The following MOV10L1 variants were observed in gnomAD, a reference collection of about 807,000 sequenced individuals.
The protein encoded by MOV10L1 is RNA helicase Mov10l1.
A neutral mutation model predicts 143.8 loss-of-function variants in MOV10L1; 110 were observed. The observed-to-expected ratio is 0.76, with a 90% CI of 0.66 to 0.90. MOV10L1 has a LOEUF of 0.90. MOV10L1 is among the 40% of genes least tolerant of loss of function. The pLI is 0.00. For missense variants in MOV10L1, 1,406 were observed against 1,526.8 expected (o/e 0.92, Z 1.32); for synonymous variants, 593 against 581.1 (o/e 1.02, Z -0.29).
In MOV10L1 at chr22:50,150,809, C is replaced by T. The variant is rs2063278522; in HGVS notation, c.2802C>T (p.Asn934=). Residue 934 remains asparagine (N), a synonymous_variant, in exon 21 of 27, where the codon AAC becomes AAT. Coordinates refer to ENST00000262794, the MANE Select transcript of MOV10L1 (RefSeq NM_018995.3). Reference sequence around the variant, plus strand: ...GACTCGCCATGGCCTATGGGCTGAACGTGTCCTTTTTGGAACGGCTGATGT... The same window carrying T: ...GACTCGCCATGGCCTATGGGCTGAATGTGTCCTTTTTGGAACGGCTGATGT... ...KSRLAMAYGL[N]VSFLERLMSR... 2.5e-6 allele frequency: 4 copies of T among 1,614,200 alleles called. No homozygotes were observed. Among genetic ancestry groups the T allele is most frequent in the South Asian group, 1.1e-5 (1 of 91,086 alleles).
At chr22:50,150,999 A>C in intron 21 of MOV10L1, 100 bp downstream of exon 21, 303 of 1,460,622 alleles carry the variant, frequency 2.1e-4, no homozygotes, top group Non-Finnish European at 2.6e-4. Context: ...AGTCATCTCC[A>C]TCCGTGGGCA....
chr22:50,149,852 C>T, intron 20 of MOV10L1, 138 bp downstream of exon 20: 3 of 670,890 alleles, frequency 4.5e-6, no homozygotes, highest in South Asian at 3.7e-5. Context: ...GTGTTGGGGG[C>T]CATGGGTCTC....
rs149927638 is a variant in MOV10L1, at chr22:50,114,584, C to T, written c.1088C>T (p.Ser363Leu). 2.0e-4 allele frequency: 317 copies of T among 1,614,086 alleles called. No homozygotes were observed. In the African/African-American group the frequency reaches 3.5e-3, roughly 18 times the overall value. Residue 363 changes from serine to leucine, a missense_variant, in exon 7 of 27, where the codon TCG (serine) becomes TTG (leucine). Physicochemically the swap from Ser to Leu is moderately radical, Grantham distance 145. Around this residue, in one of 3 missense-constraint regions of MOV10L1, gnomAD observed 1,233 missense variants for 1,351.4 expected, o/e 0.91. Transcript: ENST00000262794. Reference protein sequence around the residue: ...SHTKNKTSQMSESSLVNNRGI... With the variant: ...SHTKNKTSQMLESSLVNNRGI... ...ACAAAAAACAAAACCTCTCAGATGT[C>T]GGAGAGCAGTTTGGTGAACAACAGA...
chr22:50,155,009 G>A (rs2063390143), intron 22 of MOV10L1, among the ~76,000 whole-genome samples: 1 of 152,024 alleles, frequency 6.6e-6, no homozygotes, highest in African/African-American at 2.4e-5. Context: ...AGTCTATAGT[G>A]ATTTCACATG....
In MOV10L1 at chr22:50,114,632, G is replaced by A. The variant is rs773071307; in HGVS notation, c.1126+10G>A. 27 of 1,612,148 alleles carry A rather than the reference G, an allele frequency of 1.7e-5. No homozygotes were observed. Among genetic ancestry groups the A allele is most frequent in the African/African-American group, 2.7e-5 (2 of 74,804 alleles). ...AGAGGAATCTCTCCAGGTAGTGGAC[G>A]TTTCGGCTGTCACTGCGTGAGGTCG... On this transcript the variant is annotated intron_variant, in intron 7 of 26. Coordinates refer to ENST00000262794, the MANE Select transcript of MOV10L1 (RefSeq NM_018995.3).
rs532643394 is a variant in MOV10L1 at position 50,118,728 on chromosome 22, G to A, written c.1454+1377G>A. Among the ~76,000 whole-genome samples the A allele has an allele frequency of 1.1e-4, 16 of 152,276 alleles. 1 individual carries two copies. In the South Asian group the frequency reaches 2.1e-3, roughly 20 times the overall value. On this transcript the variant is annotated intron_variant, in intron 9 of 26. Transcript: ENST00000262794. ...CCTCATGGGTCACATGTGCCAGTTC[G>A]GAGGGAGTTCGCATGAAACACGGTG...
intron 15 of MOV10L1, among the ~76,000 whole-genome samples, chr22:50,134,858 A>G (rs943616703): frequency 1.3e-5 from 2 of 152,248 alleles, no homozygotes; most frequent in African/African-American, 4.8e-5. Context: ...CAGTTAAAAT[A>G]AAGTGAACTA....
chr22:50,154,124 A>G (rs560671451), intron 22 of MOV10L1, among the ~76,000 whole-genome samples: 2 of 152,324 alleles, frequency 1.3e-5, no homozygotes, highest in East Asian at 3.9e-4. Context: ...TTGGAAAGGA[A>G]GGGGTCCTAA....
In MOV10L1 at chr22:50,159,807, G is replaced by A. The variant is rs754135717; in HGVS notation, c.3324+22G>A. On this transcript the variant is annotated intron_variant, in intron 24 of 26. Coordinates refer to ENST00000262794, the MANE Select transcript of MOV10L1 (RefSeq NM_018995.3). The surrounding 1 kb of genome is among the most constrained non-coding windows in gnomAD (Gnocchi z 4.1). ...GACCGTAGGTATCCCTGTTCTCCGT[G>A]GGGATGGACAGTCAGGTGCTTGCTG... 4 of 1,518,394 alleles carry A rather than the reference G, an allele frequency of 2.6e-6. No homozygotes were observed. The South Asian group carries it at 4.5e-5, about 17-fold the overall frequency. 94.1% of individuals were successfully genotyped at this position (1,518,394 alleles called of 1,614,324 possible). A position where few individuals can be genotyped will look rare whatever the true frequency, so the allele number is the denominator to read the frequency against.
At chr22:50,147,888 C>T (rs2063195157) in intron 19 of MOV10L1, among the ~76,000 whole-genome samples, 1 of 152,230 alleles carries the variant, frequency 6.6e-6, no homozygotes, top group Non-Finnish European at 1.5e-5. Context: ...CTTGTGAAAT[C>T]CGTGTCTTGA....
chr22:50,133,814 G>T (rs1402748385), intron 13 of MOV10L1, among the ~76,000 whole-genome samples, 193 bp from the exon 14 acceptor site: 1 of 152,098 alleles, frequency 6.6e-6, no homozygotes, highest in Non-Finnish European at 1.5e-5. Context: ...AAAGTGCTGG[G>T]ATTACACACG....
intron 4 of MOV10L1, 80 bp from the exon 5 acceptor site, chr22:50,108,577 C>T: frequency 6.7e-7 from 1 of 1,499,580 alleles, no homozygotes. Flanking sequence ...GTGCTTTGGG[C>T]TGACTTGGGC....
intron 13 of MOV10L1, among the ~76,000 whole-genome samples, chr22:50,129,160 G>A (rs951214061): frequency 6.6e-6 from 1 of 152,056 alleles, no homozygotes; most frequent in African/African-American, 2.4e-5. Flanking sequence ...AGATATAAAG[G>A]TGCATACATT....
intron 19 of MOV10L1, among the ~76,000 whole-genome samples, chr22:50,146,123 C>T (rs966000232): frequency 6.7e-6 from 1 of 150,106 alleles, no homozygotes; most frequent in African/African-American, 2.4e-5. Flanking sequence ...TGAGCAGGAA[C>T]GGCCTGAAAG....
chr22:50,160,048 G>A (rs945406473), intron 24 of MOV10L1, among the ~76,000 whole-genome samples: 4 of 152,108 alleles, frequency 2.6e-5, no homozygotes, highest in Admixed American at 6.6e-5. Context: ...GGAGGGACAC[G>A]AAGTTGGAAG....
chr22:50,135,910 C>G (rs1433393851), intron 15 of MOV10L1, among the ~76,000 whole-genome samples: 1 of 152,072 alleles, frequency 6.6e-6, no homozygotes, highest in African/African-American at 2.4e-5. Flanking sequence ...AGAAAATCAT[C>G]TGTGTCATGG....
chr22:50,150,678 G>T (rs1009600065), intron 20 of MOV10L1, 57 bp from the exon 21 acceptor site: 3 of 1,585,630 alleles, frequency 1.9e-6, no homozygotes, highest in Non-Finnish European at 2.6e-6. Flanking sequence ...ACCTGAGCCC[G>T]TAGGAGTGGC....
intron 3 of MOV10L1, among the ~76,000 whole-genome samples, chr22:50,100,055 G>C (rs1457368147): frequency 6.6e-6 from 1 of 151,982 alleles, no homozygotes; most frequent in African/African-American, 2.4e-5. Context: ...GCAGTGGTAT[G>C]ATCTCAGCTC....
At chr22:50,095,186 C>G (rs2062557750) in intron 2 of MOV10L1, 1 of 152,184 alleles carries the variant, frequency 6.6e-6, no homozygotes, top group Non-Finnish European at 1.5e-5. Flanking sequence ...GTAGAAGAGC[C>G]TCCCTCCACG....
Sources: allele counts gnomAD v4.1 joint callset (sites outside exome capture counted in the v4.1 genomes callset), GRCh38; gene constraint gnomAD v4.1.1; regional missense constraint gnomAD v4.1.1; non-coding constraint Gnocchi (gnomAD v3.1); transcripts MANE v1.5; gene names NCBI Gene and HGNC (gene_info 2026-07-23, HGNC 2026-07-21).